Variants in GAS6 observed in about 807,000 individuals in gnomAD.
The protein encoded by GAS6 is growth arrest specific 6.
GAS6 carries 41 observed loss-of-function variants against 75.8 expected under a neutral mutation model. The ratio of observed to expected loss-of-function variants is 0.54; its 90% CI spans 0.42 to 0.70. The LOEUF (loss-of-function observed/expected upper bound fraction) is 0.70, where lower values mean the gene tolerates loss of function less well. Ranked by LOEUF, GAS6 falls within the 30% of genes least tolerant of loss-of-function variation. The pLI is 0.00. For synonymous variants in GAS6, 432 were observed against 412.6 expected (o/e 1.05, Z -0.57); for missense variants, 854 against 940.2 (o/e 0.91, Z 1.20).
rs1038795104 is a variant in GAS6, at chr13:113,822,075, C to G, written c.1765G>C (p.Glu589Gln). The G allele has an allele frequency of 6.3e-6, 10 of 1,593,766 alleles. No homozygotes were observed. The African/African-American group carries it at 1.2e-4, about 19-fold the overall frequency. ...VSLRDGEATLEVDGTRGQSEV... is the reference protein window; with the variant it reads ...VSLRDGEATLQVDGTRGQSEV... Reference sequence around the variant, plus strand: ...CTCTGGCCCCTGGTGCCGTCCACCTCCAGGGTGGCCTCACCGTCCCTCAGC... The same window carrying G: ...CTCTGGCCCCTGGTGCCGTCCACCTGCAGGGTGGCCTCACCGTCCCTCAGC... The change falls in exon 14 of 15, where the codon GAG becomes CAG. Residue 589 changes from glutamate (E) to glutamine (Q), a missense_variant. Glu to Gln is a conservative substitution (Grantham distance 29). Coordinates refer to ENST00000327773, the MANE Select transcript of GAS6 (RefSeq NM_000820.4).
Position 113,839,402 on chromosome 13 carries a change from CCCG to C in GAS6, c.466+323_466+325del, listed in dbSNP as rs1453371072. 38 of 256,154 alleles carry C rather than the reference CCCG, an allele frequency of 1.5e-4. 1 individual carries two copies. Among genetic ancestry groups the C allele is most frequent in the African/African-American group, 9.2e-4 (37 of 40,170 alleles). The allele number at this position is 256,154 out of a possible 1,614,324, so 15.9% of individuals were successfully genotyped here. ...GGACGGTCAGAGGTGAAATTTCCCC[CCCG>C]CCTTTCAATCAGTGGGTGCCACTGA... is the stretch of plus-strand genomic sequence containing the variant. On this transcript the variant is annotated intron_variant, in intron 5 of 14. Coordinates refer to ENST00000327773, the MANE Select transcript of GAS6 (RefSeq NM_000820.4).
At position 113,845,486 on chromosome 13, in the gene GAS6, G is replaced by C. The variant is rs1246142352; in HGVS notation, c.343+1041C>G. ...CAGCGGACCACAGACCCAGTGCAAGGGGAGCTGTGTGGGTTGTGCTGAAGG... is the reference window on the plus strand; with the variant it reads ...CAGCGGACCACAGACCCAGTGCAAGCGGAGCTGTGTGGGTTGTGCTGAAGG... On this transcript the variant is annotated intron_variant, in intron 4 of 14. Coordinates refer to ENST00000327773, the MANE Select transcript of GAS6 (RefSeq NM_000820.4). The surrounding 1 kb of genome is among the most constrained non-coding windows in gnomAD (Gnocchi z 4.3). The C allele has an allele frequency of 2.0e-5, 3 of 150,172 alleles. No individual in the cohort carries two copies. The highest frequency in any genetic ancestry group is 7.6e-5 in the African/African-American group (3 of 39,688). The allele number at this position is 150,172 out of a possible 1,614,324, so 9.3% of individuals were successfully genotyped here. A position where few individuals can be genotyped will look rare whatever the true frequency, so the allele number is the denominator to read the frequency against.
chr13:113,838,616 G>C (rs1442609236), intron 5 of GAS6, among the ~76,000 whole-genome samples: 1 of 110,998 alleles, frequency 9.0e-6, no homozygotes, highest in African/African-American at 4.0e-5. Flanking sequence ...AGCAGGGAGG[G>C]AGCCCGGGGG....
chr13:113,850,186 G>A (rs1456462082), intron 2 of GAS6, among the ~76,000 whole-genome samples: 1 of 152,098 alleles, frequency 6.6e-6, no homozygotes, highest in African/African-American at 2.4e-5. Context: ...CAAACACAGA[G>A]CACTTTGTCC....
intron 12 of GAS6, among the ~76,000 whole-genome samples, 171 bp downstream of exon 12, chr13:113,826,825 G>A (rs2051554568): frequency 6.6e-6 from 1 of 152,182 alleles, no homozygotes; most frequent in African/African-American, 2.4e-5. Flanking sequence ...CATCCTGAGA[G>A]GTGGGCCTCT....
chr13:113,840,101 C>T (rs186648556), intron 4 of GAS6: 107 of 510,054 alleles, frequency 2.1e-4, no homozygotes, highest in African/African-American at 1.7e-3. Context: ...CAGGCCTGGA[C>T]GCAAGGTGGG....
intron 5 of GAS6, chr13:113,839,503 G>A (rs1402358636): frequency 1.8e-6 from 1 of 560,064 alleles, no homozygotes; most frequent in African/African-American, 1.9e-5. Context: ...TGGGTGCTGA[G>A]GCATCACTTG....
chr13:113,822,512 C>A (rs2051474579), intron 13 of GAS6: 2 of 251,902 alleles, frequency 7.9e-6, no homozygotes, highest in Non-Finnish European at 1.5e-5. Flanking sequence ...TGACCAGGAA[C>A]TGGGGTGGCC....
Position 113,821,239 on chromosome 13 carries a change from C to T in GAS6, c.1883-221G>A, listed in dbSNP as rs914905291. On this transcript the variant is annotated intron_variant, in intron 14 of 14. Transcript: ENST00000327773. ...CTGGGCTCTGCAGACGCCAGCCCTC[C>T]CTTCCCCGCTGGGAGCACAGACAGT... The T allele has an allele frequency of 8.5e-6, 5 of 586,272 alleles. No individual in the cohort carries two copies. In the Admixed American group the frequency reaches 1.5e-4, roughly 17 times the overall value. 36.3% of individuals were successfully genotyped at this position (586,272 alleles called of 1,614,324 possible). A position where few individuals can be genotyped will look rare whatever the true frequency, so the allele number is the denominator to read the frequency against.
At chr13:113,862,217 G>GGGGCTGCGGCCAGGCCTTGCA (rs1421723725) in intron 2 of GAS6, among the ~76,000 whole-genome samples, 21 of 152,348 alleles carry the variant, frequency 1.4e-4, no homozygotes, top group African/African-American at 4.8e-4. Flanking sequence ...ACAGCGAGGA[G>GGGGCTGCGGCCAGGCCTTGCA]GGGCTGCGGC....
intron 2 of GAS6, among the ~76,000 whole-genome samples, chr13:113,849,102 C>G (rs1183481243): frequency 6.6e-6 from 1 of 152,198 alleles, no homozygotes; most frequent in African/African-American, 2.4e-5. Flanking sequence ...GGAGGCCCCG[C>G]CCCAGCCTTG....
chr13:113,838,545 G>A (rs2051741887), intron 5 of GAS6, among the ~76,000 whole-genome samples: 1 of 140,454 alleles, frequency 7.1e-6, no homozygotes, highest in African/African-American at 2.7e-5. Context: ...GAGCCCGGGG[G>A]TGCACAGCCC....
chr13:113,833,387 C>A, intron 8 of GAS6: 1 of 993,284 alleles, frequency 1.0e-6, no homozygotes, highest in Non-Finnish European at 1.2e-6. Context: ...ACCCAAGAGC[C>A]CCACGGCTGC....
intron 12 of GAS6, 84 bp from the exon 13 acceptor site, chr13:113,823,634 G>T: frequency 7.4e-7 from 1 of 1,352,314 alleles, no homozygotes; most frequent in Non-Finnish European, 1.0e-6. Context: ...GAGAGATGCA[G>T]TCCCAGCCGG....
At chr13:113,843,065 C>T in intron 4 of GAS6, 1 of 387,358 alleles carries the variant, frequency 2.6e-6, no homozygotes, top group Non-Finnish European at 4.5e-6. Flanking sequence ...TCAGCCGGTG[C>T]CCAGCAAATA....
In GAS6 at chr13:113,837,751, A is replaced by T. The variant is rs1035253152; in HGVS notation, c.589+318T>A. ...GAGCCCTGACCCACAAGCTCACTAC[A>T]CAAGTGCCTGGAGCACTTCCAGGCT... On this transcript the variant is annotated intron_variant, in intron 6 of 14. Coordinates refer to ENST00000327773, the MANE Select transcript of GAS6 (RefSeq NM_000820.4). This position sits in a 1 kb window ranked among gnomAD's most constrained non-coding sequence, Gnocchi z 5.1. Among the ~76,000 whole-genome samples the T allele has an allele frequency of 6.6e-6, 1 of 152,114 alleles. No homozygotes were observed. The highest frequency in any genetic ancestry group is 2.4e-5 in the African/African-American group (1 of 41,426).
chr13:113,862,314 C>A (rs1198901336), intron 2 of GAS6, among the ~76,000 whole-genome samples: 1 of 152,162 alleles, frequency 6.6e-6, no homozygotes, highest in African/African-American at 2.4e-5. Flanking sequence ...ACGCCCCATG[C>A]CACAGTCCCT....
intron 10 of GAS6, among the ~76,000 whole-genome samples, chr13:113,829,217 C>G (rs1189056462): frequency 1.1e-5 from 1 of 87,064 alleles, no homozygotes; most frequent in Non-Finnish European, 2.2e-5. Context: ...TCACCTGGGC[C>G]AAGAGGGTCT....
At chr13:113,849,724 A>C (rs535439954) in intron 2 of GAS6, among the ~76,000 whole-genome samples, 1 of 152,232 alleles carries the variant, frequency 6.6e-6, no homozygotes, top group Non-Finnish European at 1.5e-5. Context: ...GGCATTATTC[A>C]TGGAAAAACT....
Sources: gnomAD v4.1 joint callset for allele counts (sites outside exome capture counted in the v4.1 genomes callset) on GRCh38, gnomAD v4.1.1 for gene constraint, Gnocchi (gnomAD v3.1) non-coding constraint, MANE v1.5 for transcripts, NCBI Gene and HGNC (gene_info 2026-07-23, HGNC 2026-07-21) for gene names.